Variants in NKAIN1 observed in about 807,000 individuals in gnomAD.
NKAIN1 encodes the protein sodium/potassium-transporting ATPase subunit beta-1-interacting protein 1.
Under a neutral mutation model 31.6 loss-of-function variants are expected in NKAIN1, and 13 were observed. The ratio of observed to expected loss-of-function variants is 0.41; its 90% CI spans 0.27 to 0.65. The LOEUF (loss-of-function observed/expected upper bound fraction) is 0.65, where lower values mean the gene tolerates loss of function less well. Among genes scored for constraint, NKAIN1 ranks in the 30% least tolerant of loss-of-function variants. The pLI, the probability that NKAIN1 is intolerant of heterozygous loss-of-function variation, is 0.30. For synonymous variants in NKAIN1, 104 were observed against 109.0 expected (o/e 0.95, Z 0.28); for missense variants, 193 against 262.2 (o/e 0.74, Z 1.82).
chr1:31,221,974 GT>G (rs1345713140), intron 1 of NKAIN1, among the ~76,000 whole-genome samples: 23 of 152,100 alleles, frequency 1.5e-4, no homozygotes, highest in African/African-American at 5.3e-4. Context: ...CACTTCCCGG[GT>G]TCAAGCAATC....
At chr1:31,197,856 T>C (rs1645343406) in intron 1 of NKAIN1, among the ~76,000 whole-genome samples, 1 of 152,084 alleles carries the variant, frequency 6.6e-6, no homozygotes, top group African/African-American at 2.4e-5. Context: ...GGTTTTTTAC[T>C]TTTTATTTTT....
intron 1 of NKAIN1, among the ~76,000 whole-genome samples, chr1:31,192,922 T>C (rs1645297219): frequency 1.3e-5 from 2 of 151,746 alleles, no homozygotes; most frequent in Admixed American, 1.3e-4. Flanking sequence ...TCCCAACACT[T>C]TGGGAGGCCA....
chr1:31,209,968 C>T (rs1332970964), intron 1 of NKAIN1, among the ~76,000 whole-genome samples: 3 of 142,282 alleles, frequency 2.1e-5, no homozygotes, highest in Non-Finnish European at 4.5e-5. Context: ...GCCTGAGCAA[C>T]AGAGCATGAC....
At chr1:31,232,057 G>A (rs1050803097) in intron 1 of NKAIN1, among the ~76,000 whole-genome samples, 15 of 151,042 alleles carry the variant, frequency 9.9e-5, no homozygotes, top group African/African-American at 3.6e-4. Flanking sequence ...GGGACTACAG[G>A]TGCATGCTAC....
intron 1 of NKAIN1, among the ~76,000 whole-genome samples, chr1:31,209,532 C>T (rs76062840): frequency 0.054 from 8,175 of 152,100 alleles, 392 homozygotes; most frequent in Admixed American, 0.16. Flanking sequence ...TAAAAGAATA[C>T]GTATAGCCAG....
rs984332529 is a variant in NKAIN1 at position 31,206,377 on chromosome 1, A to C, written c.55-18190T>G. On this transcript the variant is annotated intron_variant, in intron 1 of 6. Coordinates refer to ENST00000373736, the MANE Select transcript of NKAIN1 (RefSeq NM_024522.3). ...CTGAGTAAATCACAACCATGAAAGC[A>C]AGTTATATAGTAGTATGTGGTTTTT... 2.6e-5 allele frequency among the ~76,000 whole-genome samples: 4 copies of C among 151,784 alleles called. No homozygotes were observed. In the East Asian group the frequency reaches 7.7e-4, roughly 29 times the overall value.
intron 4 of NKAIN1, 58 bp from the exon 5 acceptor site, chr1:31,182,648 C>A: frequency 6.3e-7 from 1 of 1,598,116 alleles, no homozygotes; most frequent in Admixed American, 1.7e-5. Context: ...CTTCCTCCGC[C>A]CCCTGCCGGG....
rs35958405 is a variant in NKAIN1, at chr1:31,211,603, C to CTT, written c.55-23418_55-23417dup. On this transcript the variant is annotated intron_variant, in intron 1 of 6. Transcript: ENST00000373736. ...TGCACTCTATCAAAATTCCAACTACCTTTTTTTTTTTTCAGGAATGTATAA... is the reference window on the plus strand; with the variant it reads ...TGCACTCTATCAAAATTCCAACTACCTTTTTTTTTTTTTTCAGGAATGTATAA... Among the ~76,000 whole-genome samples, 472 of 146,510 alleles carry CTT rather than the reference C, an allele frequency of 3.2e-3. 5 individuals are homozygous for CTT. The highest frequency in any genetic ancestry group is 0.025 in the East Asian group (128 of 5,032).
chr1:31,218,074 T>TCTTTCTTTCTCTTTCTTTCTTTCTTTC (rs1570472285), intron 1 of NKAIN1, among the ~76,000 whole-genome samples: 1 of 148,276 alleles, frequency 6.7e-6, no homozygotes, highest in African/African-American at 2.6e-5. Context: ...CTTTCTTTTT[T>TCTTTCTTTCTCTTTCTTTCTTTCTTTC]TTTTTTGAGA....
intron 1 of NKAIN1, among the ~76,000 whole-genome samples, chr1:31,231,066 T>TAGAG (rs1645644367): frequency 1.3e-5 from 2 of 151,754 alleles, no homozygotes; most frequent in Non-Finnish European, 2.9e-5. Context: ...GTATTTTTAG[T>TAGAG]ACAAATGGGG....
chr1:31,234,987 A>G (rs1267189857), intron 1 of NKAIN1, among the ~76,000 whole-genome samples: 2 of 152,216 alleles, frequency 1.3e-5, no homozygotes, highest in African/African-American at 4.8e-5. Flanking sequence ...CACTGTGTGG[A>G]ATTGCAATAA....
At chr1:31,185,127 T>C in intron 3 of NKAIN1, 120 bp downstream of exon 3, 1 of 752,548 alleles carries the variant, frequency 1.3e-6, no homozygotes, top group Non-Finnish European at 2.3e-6. Flanking sequence ...TATTTGGGCA[T>C]GTAAGGAGAG....
chr1:31,219,436 G>A (rs1645544751), intron 1 of NKAIN1, among the ~76,000 whole-genome samples: 1 of 152,246 alleles, frequency 6.6e-6, no homozygotes, highest in Admixed American at 6.5e-5. Context: ...CCCTGACAGT[G>A]GGCTTGGGGC....
rs534128391 is a variant in NKAIN1 at position 31,239,150 on chromosome 1, A to C, written c.54+344T>G. Among the ~76,000 whole-genome samples, 14 of 152,280 alleles carry C rather than the reference A, an allele frequency of 9.2e-5. No individual in the cohort carries two copies. The highest frequency in any genetic ancestry group is 3.4e-4 in the African/African-American group (14 of 41,562). On this transcript the variant is annotated intron_variant, in intron 1 of 6. Coordinates refer to ENST00000373736, the MANE Select transcript of NKAIN1 (RefSeq NM_024522.3). This position sits in a 1 kb window ranked among gnomAD's most constrained non-coding sequence, Gnocchi z 4.8. ...CACAGCAGGACCTCAACGGATCCAC[A>C]GATCAGCCTCAGACACACCCCCAGT...
chr1:31,189,642 C>T (rs1254255184), intron 1 of NKAIN1, among the ~76,000 whole-genome samples: 2 of 152,196 alleles, frequency 1.3e-5, no homozygotes, highest in Non-Finnish European at 2.9e-5. Context: ...GAACCACCTC[C>T]TACCACTCTG....
At chr1:31,215,785 C>T (rs868672982) in intron 1 of NKAIN1, among the ~76,000 whole-genome samples, 2 of 152,146 alleles carry the variant, frequency 1.3e-5, no homozygotes, top group African/African-American at 2.4e-5. Context: ...GCATCTCTCA[C>T]GAGTTACCCC....
At chr1:31,182,636 C>T (rs921717385) in intron 4 of NKAIN1, 46 bp from the exon 5 acceptor site, 1 of 1,607,122 alleles carries the variant, frequency 6.2e-7, no homozygotes, top group Admixed American at 1.7e-5. Context: ...GAGTGGGAAC[C>T]TCTTCCTCCG....
chr1:31,183,201 T>A (rs888529079), intron 4 of NKAIN1, among the ~76,000 whole-genome samples: 5 of 152,138 alleles, frequency 3.3e-5, no homozygotes, highest in African/African-American at 1.2e-4. Context: ...ATTGTCATTC[T>A]TTTTTGTGAA....
At chr1:31,201,525 A>ATT (rs34030633) in intron 1 of NKAIN1, among the ~76,000 whole-genome samples, 24 of 150,342 alleles carry the variant, frequency 1.6e-4, no homozygotes, top group South Asian at 4.2e-4. Flanking sequence ...TGCCCGGCTA[A>ATT]TTTTTTTTTG....
Sources: allele counts gnomAD v4.1 joint callset (sites outside exome capture counted in the v4.1 genomes callset), GRCh38; gene constraint gnomAD v4.1.1; non-coding constraint Gnocchi (gnomAD v3.1); transcripts MANE v1.5; gene names NCBI Gene and HGNC (gene_info 2026-07-23, HGNC 2026-07-21).